The following PCSK6 variants were observed in gnomAD, a reference collection of about 807,000 sequenced individuals.
PCSK6 encodes proprotein convertase subtilisin/kexin type 6.
PCSK6 carries 85 observed loss-of-function variants against 123.3 expected under a neutral mutation model. The observed-to-expected ratio is 0.69, with a 90% CI of 0.58 to 0.83. PCSK6 has a LOEUF of 0.83. PCSK6 is among the 40% of genes least tolerant of loss of function. The pLI, the probability that PCSK6 is intolerant of heterozygous loss-of-function variation, is 0.00. For synonymous variants in PCSK6, 508 were observed against 516.0 expected, an observed-to-expected ratio of 0.98 and a Z score of 0.21; for missense variants, 1,191 against 1,282.3, an observed-to-expected ratio of 0.93 and a Z score of 1.09.
At chr15:101,442,908 G>A (rs1442640486) in intron 2 of PCSK6, among the ~76,000 whole-genome samples, 1 of 152,164 alleles carries the variant, frequency 6.6e-6, no homozygotes, top group Non-Finnish European at 1.5e-5. Flanking sequence ...TATGGACAGA[G>A]CCAGCCACAT....
chr15:101,437,288 G>A (rs1216273744), intron 2 of PCSK6, among the ~76,000 whole-genome samples: 7 of 152,218 alleles, frequency 4.6e-5, no homozygotes, highest in African/African-American at 1.7e-4. Context: ...TTTCGTGAGA[G>A]CCCATCATGG....
intron 13 of PCSK6, chr15:101,347,627 G>A (rs1450888267): frequency 5.1e-6 from 8 of 1,557,486 alleles, no homozygotes; most frequent in Non-Finnish European, 4.4e-6. Flanking sequence ...CTCTGGGGGC[G>A]GGAGCTGAGA....
At chr15:101,346,831 G>A (rs185142636) in intron 13 of PCSK6, 483 of 1,231,458 alleles carry the variant, frequency 3.9e-4, no homozygotes, top group Non-Finnish European at 4.5e-4. Context: ...ATACAGAACC[G>A]ACTAAACAAT....
rs375904868 is a variant in PCSK6 at position 101,441,540 on chromosome 15, C to T, written c.402+2016G>A. Among the ~76,000 whole-genome samples, 457 of 152,216 alleles carry T rather than the reference C, an allele frequency of 3.0e-3. 3 individuals carry two copies. The highest frequency in any genetic ancestry group is 6.8e-3 in the Middle Eastern group (2 of 294). On this transcript the variant is annotated intron_variant, in intron 2 of 21. Transcript: ENST00000611716. ...TTTTTGGAAGGAAGGGATGAGCAGT[C>T]GACCTGAGTACCTTTAAAAGTTTTA...
chr15:101,440,945 C>T (rs952762028), intron 2 of PCSK6, among the ~76,000 whole-genome samples: 3 of 152,184 alleles, frequency 2.0e-5, no homozygotes, highest in Non-Finnish European at 2.9e-5. Flanking sequence ...AATTCATAAT[C>T]GGTTCAGATG....
chr15:101,407,033 G>A (rs2042801774), intron 6 of PCSK6, among the ~76,000 whole-genome samples: 1 of 152,128 alleles, frequency 6.6e-6, no homozygotes, highest in Non-Finnish European at 1.5e-5. Context: ...CACGGACACA[G>A]GTGCGCAGCT....
chr15:101,378,059 G>GA (rs1191369940), intron 11 of PCSK6, among the ~76,000 whole-genome samples: 6 of 152,176 alleles, frequency 3.9e-5, no homozygotes, highest in Admixed American at 3.3e-4. Flanking sequence ...GCACTGGCTA[G>GA]AAAAATCAAG....
At chr15:101,475,139 G>A (rs1441285472) in intron 1 of PCSK6, among the ~76,000 whole-genome samples, 13 of 152,266 alleles carry the variant, frequency 8.5e-5, no homozygotes, top group East Asian at 3.9e-4. Flanking sequence ...TTTGGACTCC[G>A]CCCCTATATT....
intron 13 of PCSK6, among the ~76,000 whole-genome samples, chr15:101,333,259 G>A (rs1006813238): frequency 6.6e-6 from 1 of 152,198 alleles, no homozygotes; most frequent in Non-Finnish European, 1.5e-5. Context: ...ACCTGCCCAA[G>A]GACAGCTGCT....
Position 101,398,667 on chromosome 15 carries a change from C to T in PCSK6, c.824-91G>A, listed in dbSNP as rs763877361. The T allele has an allele frequency of 1.9e-5, 26 of 1,373,578 alleles. No homozygotes were observed. In the African/African-American group the frequency reaches 2.0e-4, roughly 11 times the overall value. The allele number at this position is 1,373,578 out of a possible 1,614,324, so 85.1% of individuals were successfully genotyped here. ...GCCCAGGAGGCTCGGATGAGGACAC[C>T]GCATCACAGAGTCCCTCCCCAGCAG... On this transcript the variant is annotated intron_variant, in intron 6 of 21. Coordinates refer to ENST00000611716, the MANE Select transcript of PCSK6 (RefSeq NM_002570.5). The surrounding 1 kb of genome is among the most constrained non-coding windows in gnomAD (Gnocchi z 4.6).
chr15:101,405,384 C>T (rs1454133866), intron 6 of PCSK6, among the ~76,000 whole-genome samples: 1 of 152,190 alleles, frequency 6.6e-6, no homozygotes, highest in Non-Finnish European at 1.5e-5. Context: ...CTGCCCAGTC[C>T]ACTCTAAGGA....
At chr15:101,408,617 G>A (rs2042847797) in intron 6 of PCSK6, among the ~76,000 whole-genome samples, 1 of 152,158 alleles carries the variant, frequency 6.6e-6, no homozygotes, top group African/African-American at 2.4e-5. Flanking sequence ...AGGAAGTGGG[G>A]AACACCCGCT....
intron 2 of PCSK6, among the ~76,000 whole-genome samples, chr15:101,436,737 G>A (rs911636683): frequency 4.6e-5 from 7 of 152,212 alleles, no homozygotes; most frequent in African/African-American, 1.7e-4. Context: ...CTCAGAGCTT[G>A]TGCACTCAAC....
Position 101,398,571 on chromosome 15 carries a change from G to T in PCSK6, c.829C>A (p.Arg277Ser). 1 of 1,611,406 alleles carries T rather than the reference G, an allele frequency of 6.2e-7. No homozygotes were observed. The change falls in exon 7 of 22, where the codon CGC becomes AGC. Residue 277 changes from arginine (R) to serine (S), a missense_variant. This residue lies in a region of PCSK6 where 357 missense variants were observed against 484.5 expected (regional missense o/e 0.74). Coordinates refer to ENST00000611716, the MANE Select transcript of PCSK6 (RefSeq NM_002570.5). This position sits in a 1 kb window ranked among gnomAD's most constrained non-coding sequence, Gnocchi z 4.6. ...TCTGTGACATCGCCGTCCAGCATGC[G>T]GATGCCTGAAAGCACAGAGGAGGCT... ...IAYNAKIGGI[R>S]MLDGDVTDVV...
At chr15:101,475,793 C>T (rs1316493074) in intron 1 of PCSK6, among the ~76,000 whole-genome samples, 1 of 151,902 alleles carries the variant, frequency 6.6e-6, no homozygotes, top group Admixed American at 6.6e-5. Context: ...GCTGGCCAAG[C>T]AACATTTAAC....
intron 6 of PCSK6, among the ~76,000 whole-genome samples, chr15:101,405,551 G>C (rs1393893515): frequency 6.6e-6 from 1 of 152,150 alleles, no homozygotes; most frequent in African/African-American, 2.4e-5. Flanking sequence ...CTCCATCCAG[G>C]AAGGAATCAC....
intron 11 of PCSK6, among the ~76,000 whole-genome samples, chr15:101,379,241 A>G (rs1298872636): frequency 1.3e-5 from 2 of 152,202 alleles, no homozygotes. Context: ...ATTCCAGCCC[A>G]CGGCTGGGGG....
intron 13 of PCSK6, among the ~76,000 whole-genome samples, chr15:101,349,082 C>A (rs767729047): frequency 1.3e-5 from 2 of 152,192 alleles, no homozygotes; most frequent in African/African-American, 4.8e-5. Context: ...AAGGACAGAA[C>A]CAAAGCTGGG....
intron 13 of PCSK6, among the ~76,000 whole-genome samples, chr15:101,355,415 G>T (rs528260172): frequency 6.6e-6 from 1 of 152,358 alleles, no homozygotes; most frequent in Non-Finnish European, 1.5e-5. Flanking sequence ...ACTGTGGGAG[G>T]TGCCCCAGCA....
Sources: gnomAD v4.1 joint callset for allele counts (sites outside exome capture counted in the v4.1 genomes callset) on GRCh38, gnomAD v4.1.1 for gene constraint, gnomAD v4.1.1 regional missense constraint, Gnocchi (gnomAD v3.1) non-coding constraint, MANE v1.5 for transcripts, NCBI Gene and HGNC (gene_info 2026-07-23, HGNC 2026-07-21) for gene names.